EDAR: variants seen among roughly 807,000 people sequenced by gnomAD.
The protein encoded by EDAR is ectodysplasin A receptor.
A neutral mutation model predicts 51.3 loss-of-function variants in EDAR; 38 were observed. The ratio of observed to expected loss-of-function variants is 0.74; its 90% CI spans 0.57 to 0.97. The LOEUF (loss-of-function observed/expected upper bound fraction) is 0.97, where lower values mean the gene tolerates loss of function less well. Ranked by LOEUF, EDAR falls within the 50% of genes least tolerant of loss-of-function variation. The pLI is 0.00. For synonymous variants in EDAR, 227 were observed against 242.1 expected, an observed-to-expected ratio of 0.94 and a Z score of 0.58; for missense variants, 528 against 595.0, an observed-to-expected ratio of 0.89 and a Z score of 1.17.
At position 108,928,426 on chromosome 2, in the gene EDAR, G is replaced by A. The variant is rs189851064; in HGVS notation, c.356+772C>T. On this transcript the variant is annotated intron_variant, in intron 4 of 11. Transcript: ENST00000258443. ...GCACTAAGCTGTGGTCACCTCCCCC[G>A]TCCCCACTGGCCTCATCACTGCCAT... Among the ~76,000 whole-genome samples, 24 of 152,108 alleles carry A rather than the reference G, an allele frequency of 1.6e-4. No homozygotes were observed. In the East Asian group the frequency reaches 2.5e-3, roughly 16 times the overall value.
At chr2:108,910,377 C>CAGGGGA in intron 9 of EDAR, 83 bp downstream of exon 9, 1 of 1,128,418 alleles carries the variant, frequency 8.9e-7, no homozygotes, top group South Asian at 1.3e-5. Context: ...CCTGTCAGTT[C>CAGGGGA]ACTCGGCTGC....
intron 4 of EDAR, among the ~76,000 whole-genome samples, chr2:108,926,700 G>A (rs537155553): frequency 7.4e-4 from 112 of 152,320 alleles, no homozygotes; most frequent in African/African-American, 2.6e-3. Flanking sequence ...AAAGCCTCGG[G>A]TGCTGCTCAT....
At chr2:108,967,627 T>A (rs1698169782) in intron 1 of EDAR, among the ~76,000 whole-genome samples, 1 of 151,992 alleles carries the variant, frequency 6.6e-6, no homozygotes, top group Non-Finnish European at 1.5e-5. Flanking sequence ...CCTGACAGAG[T>A]GTGTCTTTGT....
At chr2:108,951,893 T>C (rs1330827017) in intron 1 of EDAR, among the ~76,000 whole-genome samples, 3 of 152,230 alleles carry the variant, frequency 2.0e-5, no homozygotes, top group Non-Finnish European at 4.4e-5. Context: ...TCTTGAGGTA[T>C]TGAATGGTGT....
intron 1 of EDAR, among the ~76,000 whole-genome samples, chr2:108,949,859 A>G (rs550448085): frequency 6.6e-6 from 1 of 152,362 alleles, no homozygotes; most frequent in South Asian, 2.1e-4. Flanking sequence ...ATGTGACTGG[A>G]AAATAACCTC....
At chr2:108,909,095 G>C (rs1696865334) in intron 9 of EDAR, among the ~76,000 whole-genome samples, 1 of 152,140 alleles carries the variant, frequency 6.6e-6, no homozygotes, top group African/African-American at 2.4e-5. Flanking sequence ...CAAGTGTCAG[G>C]GTTCAATTTG....
chr2:108,911,076 T>C lies in EDAR; in HGVS notation c.530-4A>G, dbSNP rs1331810806. On this transcript the variant is annotated splice_polypyrimidine_tract_variant and splice_region_variant and intron_variant, in intron 6 of 11. Transcript: ENST00000258443. ...AGGTGTCCTTGGCCTGAGAGTTCTGTGGGTGGAGAGAAGGCATGAATGACC... is the reference window on the plus strand; with the variant it reads ...AGGTGTCCTTGGCCTGAGAGTTCTGCGGGTGGAGAGAAGGCATGAATGACC... 6.2e-7 allele frequency: 1 copy of C among 1,614,058 alleles called. No individual in the cohort carries two copies. Among genetic ancestry groups the C allele is most frequent in the South Asian group, 1.1e-5 (1 of 91,060 alleles).
At chr2:108,923,259 G>A in intron 5 of EDAR, 109 bp downstream of exon 5, 1 of 1,080,450 alleles carries the variant, frequency 9.3e-7, no homozygotes, top group South Asian at 1.3e-5. Context: ...TGCTGTTACT[G>A]TGATTCACCT....
chr2:108,980,932 T>C (rs540167020), intron 1 of EDAR, among the ~76,000 whole-genome samples: 1 of 151,974 alleles, frequency 6.6e-6, no homozygotes, highest in African/African-American at 2.4e-5. Flanking sequence ...CCTGGCCAAA[T>C]TGATAGACTG....
At chr2:108,962,661 C>A (rs906256194) in intron 1 of EDAR, among the ~76,000 whole-genome samples, 6 of 114,536 alleles carry the variant, frequency 5.2e-5, no homozygotes, top group Non-Finnish European at 9.8e-5. Flanking sequence ...GGCGACAGAG[C>A]GAGACTCTGT....
intron 1 of EDAR, among the ~76,000 whole-genome samples, chr2:108,979,452 CTG>C (rs201203410): frequency 0.29 from 38,657 of 135,370 alleles, 5,567 homozygotes; most frequent in African/African-American, 0.41. Context: ...CTCTCTGTCT[CTG>C]TCTCTCTCTC....
chr2:108,896,646 G>T lies in EDAR; in HGVS notation c.*261C>A, dbSNP rs965366133. 6.1e-6 allele frequency: 3 copies of T among 489,106 alleles called. No homozygotes were observed. The Admixed American group carries it at 1.0e-4, about 16-fold the overall frequency. 30.3% of individuals were successfully genotyped at this position (489,106 alleles called of 1,614,324 possible). A position where few individuals can be genotyped will look rare whatever the true frequency, so the allele number is the denominator to read the frequency against. On this transcript the variant is annotated 3_prime_UTR_variant, in exon 12 of 12. Coordinates refer to ENST00000258443, the MANE Select transcript of EDAR (RefSeq NM_022336.4). The stretch of plus-strand genomic sequence containing the variant: ...CAGTGAGTTAATGGTGGGCTGGTGG[G>T]CTGGCTGTATGAGTGAGTAGATATT...
chr2:108,913,651 G>A (rs2105408073), intron 5 of EDAR, among the ~76,000 whole-genome samples: 1 of 152,254 alleles, frequency 6.6e-6, no homozygotes, highest in South Asian at 2.1e-4. Flanking sequence ...GGAGGCTGGT[G>A]ATAAAAGTGT....
intron 1 of EDAR, among the ~76,000 whole-genome samples, chr2:108,951,406 G>A (rs958562565): frequency 6.6e-5 from 10 of 152,180 alleles, no homozygotes; most frequent in Admixed American, 5.2e-4. Context: ...ACAGGAATTC[G>A]ACCAGAAAGG....
chr2:108,982,217 T>C (rs1346081876), intron 1 of EDAR, among the ~76,000 whole-genome samples: 3 of 152,226 alleles, frequency 2.0e-5, no homozygotes, highest in African/African-American at 7.2e-5. Flanking sequence ...GTGGCCTCTC[T>C]AACAAAGAAA....
intron 1 of EDAR, among the ~76,000 whole-genome samples, chr2:108,978,651 A>G (rs1698371896): frequency 6.6e-6 from 1 of 152,174 alleles, no homozygotes; most frequent in Non-Finnish European, 1.5e-5. Context: ...AGAGAGACCT[A>G]GTTAGAACCT....
At chr2:108,935,581 G>C (rs541141326) in intron 1 of EDAR, among the ~76,000 whole-genome samples, 1 of 152,156 alleles carries the variant, frequency 6.6e-6, no homozygotes, top group Non-Finnish European at 1.5e-5. Context: ...AGCCTTGGCT[G>C]GGTCTCTCCC....
chr2:108,898,699 C>T (rs1696645836), intron 11 of EDAR, among the ~76,000 whole-genome samples: 1 of 151,968 alleles, frequency 6.6e-6, no homozygotes, highest in South Asian at 2.1e-4. Flanking sequence ...TATGAACATG[C>T]TTAAATGCAA....
chr2:108,977,993 CG>C (rs1391309253), intron 1 of EDAR, among the ~76,000 whole-genome samples: 1 of 152,222 alleles, frequency 6.6e-6, no homozygotes, highest in East Asian at 1.9e-4. Flanking sequence ...CTTCTATTCT[CG>C]TAGAGGAACT....
Sources: allele counts gnomAD v4.1 joint callset (sites outside exome capture counted in the v4.1 genomes callset), GRCh38; gene constraint gnomAD v4.1.1; transcripts MANE v1.5; gene names NCBI Gene and HGNC (gene_info 2026-07-23, HGNC 2026-07-21).